KIF21A: variants seen among roughly 807,000 people sequenced by gnomAD.
The protein encoded by KIF21A is kinesin-like protein KIF21A.
In KIF21A, 114 loss-of-function variants were observed where a neutral mutation model predicts 202.9. The observed-to-expected ratio is 0.56, with a 90% CI of 0.48 to 0.66. KIF21A has a LOEUF of 0.66. Among genes scored for constraint, KIF21A ranks in the 30% least tolerant of loss-of-function variants. The pLI is 0.00. For synonymous variants in KIF21A, 667 were observed against 670.8 expected, an observed-to-expected ratio of 0.99 and a Z score of 0.09; for missense variants, 1,677 against 1,994.9, an observed-to-expected ratio of 0.84 and a Z score of 3.04.
chr12:39,295,648 A>G (rs2136988253), intron 37 of KIF21A, among the ~76,000 whole-genome samples: 1 of 150,282 alleles, frequency 6.7e-6, no homozygotes, highest in South Asian at 2.1e-4. Flanking sequence ...TACTCAACAA[A>G]TGTTTACTGA....
In KIF21A at chr12:39,442,899, C is replaced by A. The variant is rs1484730161; in HGVS notation, c.44+28G>T. 2.6e-6 allele frequency: 4 copies of A among 1,523,486 alleles called. No individual in the cohort carries two copies. Among genetic ancestry groups the A allele is most frequent in the Non-Finnish European group, 3.5e-6 (4 of 1,142,242 alleles). 94.4% of individuals were successfully genotyped at this position (1,523,486 alleles called of 1,614,324 possible). On this transcript the variant is annotated intron_variant, in intron 1 of 37. Transcript: ENST00000361418. This position sits in a 1 kb window ranked among gnomAD's most constrained non-coding sequence, Gnocchi z 5.0. Reference sequence around the variant, plus strand: ...TGCCGCGCCCTCAACCCGCCGCCCGCCGCCCGCCGCCGGCAGACTGTCCTC... The same window carrying A: ...TGCCGCGCCCTCAACCCGCCGCCCGACGCCCGCCGCCGGCAGACTGTCCTC...
intron 6 of KIF21A, among the ~76,000 whole-genome samples, chr12:39,364,388 T>C (rs1292166174): frequency 2.0e-5 from 3 of 152,216 alleles, no homozygotes; most frequent in Non-Finnish European, 2.9e-5. Context: ...GCTTTTGTCT[T>C]TTCCTGACAA....
rs1199818833 is a variant in KIF21A, at chr12:39,436,422, T to TTATATATATATATATA, written c.44+6489_44+6504dup. 3.5e-4 allele frequency among the ~76,000 whole-genome samples: 35 copies of TTATATATATATATATA among 99,098 alleles called. 1 individual carries two copies. Among genetic ancestry groups the TTATATATATATATATA allele is most frequent in the South Asian group, 1.4e-3 (3 of 2,150 alleles). The allele number at this position is 99,098 out of a possible 152,430, so 65.0% of individuals were successfully genotyped here. ...TCAATAATTATAAGGGTTTACTATATTATATATATATATATATATATATAT... is the reference window on the plus strand; with the variant it reads ...TCAATAATTATAAGGGTTTACTATATTATATATATATATATATATATATATATATATATATATATAT... On this transcript the variant is annotated intron_variant, in intron 1 of 37. Transcript: ENST00000361418.
intron 1 of KIF21A, among the ~76,000 whole-genome samples, chr12:39,414,925 T>C (rs997516464): frequency 1.7e-4 from 25 of 146,792 alleles, no homozygotes; most frequent in Non-Finnish European, 3.0e-4. Context: ...TTTTGTTTTT[T>C]GGATTTTTTT....
At chr12:39,345,210 T>C (rs1189715790) in intron 12 of KIF21A, among the ~76,000 whole-genome samples, 1 of 152,208 alleles carries the variant, frequency 6.6e-6, no homozygotes, top group African/African-American at 2.4e-5. Context: ...TAAACTCCTT[T>C]CACTGAGAAC....
chr12:39,430,326 G>A (rs1442257715), intron 1 of KIF21A, among the ~76,000 whole-genome samples: 2 of 152,066 alleles, frequency 1.3e-5, no homozygotes, highest in Non-Finnish European at 2.9e-5. Context: ...AACACTTTGG[G>A]AGGCCGAGGT....
intron 1 of KIF21A, among the ~76,000 whole-genome samples, chr12:39,409,541 A>G (rs1037570742): frequency 1.3e-5 from 2 of 150,138 alleles, no homozygotes; most frequent in Non-Finnish European, 3.0e-5. Flanking sequence ...AAAAAAAAAA[A>G]GTAGTATTAA....
intron 1 of KIF21A, among the ~76,000 whole-genome samples, chr12:39,396,339 T>G (rs1319887552): frequency 6.6e-6 from 1 of 152,190 alleles, no homozygotes; most frequent in Non-Finnish European, 1.5e-5. Context: ...AGCAGTCAAA[T>G]CTGGATTCAG....
intron 5 of KIF21A, among the ~76,000 whole-genome samples, 190 bp from the exon 6 acceptor site, chr12:39,366,707 T>C (rs1295207973): frequency 6.6e-6 from 1 of 152,152 alleles, no homozygotes; most frequent in Non-Finnish European, 1.5e-5. Flanking sequence ...TGGTCAGAAC[T>C]CAACTATTAT....
chr12:39,427,189 A>C (rs1358557106), intron 1 of KIF21A, among the ~76,000 whole-genome samples: 1 of 152,220 alleles, frequency 6.6e-6, no homozygotes, highest in Non-Finnish European at 1.5e-5. Flanking sequence ...AAATTAAAAC[A>C]CATGGAATGG....
chr12:39,304,759 C>T (rs188390387), intron 35 of KIF21A, 62 bp downstream of exon 35: 65 of 901,058 alleles, frequency 7.2e-5, no homozygotes, highest in Non-Finnish European at 1.1e-4. Context: ...CTAGATGAAT[C>T]TGAATACTTC....
chr12:39,415,021 T>C (rs1414157304), intron 1 of KIF21A, among the ~76,000 whole-genome samples: 4 of 149,638 alleles, frequency 2.7e-5, no homozygotes, highest in African/African-American at 7.4e-5. Flanking sequence ...ATCAAAACAC[T>C]GCAAGTAACT....
chr12:39,429,276 AC>A (rs1355746180), intron 1 of KIF21A, among the ~76,000 whole-genome samples: 1 of 152,182 alleles, frequency 6.6e-6, no homozygotes, highest in Non-Finnish European at 1.5e-5. Context: ...GATTAAGAAA[AC>A]ATTTTATTCA....
chr12:39,368,074 T>C, intron 3 of KIF21A, 42 bp from the exon 4 acceptor site: 1 of 1,285,330 alleles, frequency 7.8e-7, no homozygotes, highest in Non-Finnish European at 1.1e-6. Flanking sequence ...GCAGAAATTG[T>C]CTGGGTAGTT....
intron 1 of KIF21A, among the ~76,000 whole-genome samples, chr12:39,391,144 T>C (rs1021304925): frequency 6.6e-6 from 1 of 152,128 alleles, no homozygotes; most frequent in Non-Finnish European, 1.5e-5. Flanking sequence ...ACAACATAAA[T>C]CTGGAAAGAC....
intron 4 of KIF21A, among the ~76,000 whole-genome samples, chr12:39,367,374 TC>T (rs904642728): frequency 1.7e-4 from 26 of 152,208 alleles, no homozygotes; most frequent in African/African-American, 6.0e-4. Context: ...ACACTGAGAT[TC>T]CATTGTTGGC....
intron 1 of KIF21A, among the ~76,000 whole-genome samples, chr12:39,421,723 T>TTATA (rs374130613): frequency 0.042 from 5,668 of 134,892 alleles, 121 homozygotes; most frequent in Non-Finnish European, 0.047. Context: ...TATATATAAT[T>TTATA]TATATATATA....
rs777970404 is a variant in KIF21A at position 39,341,555 on chromosome 12, A to G, written c.1871T>C (p.Ile624Thr). The G allele has an allele frequency of 2.5e-6, 4 of 1,612,646 alleles. No homozygotes were observed. The highest frequency in any genetic ancestry group is 3.3e-5 in the Admixed American group (2 of 59,966). ...EEEEEEEEDDIDGGESSDESD... is the reference protein window; with the variant it reads ...EEEEEEEEDDTDGGESSDESD... ...TTCATCAGAACTTTCACCCCCATCA[A>G]TGTCATCTTCCTCCTCCTCCTCCTC... is the stretch of plus-strand genomic sequence containing the variant. Residue 624 changes from isoleucine (I) to threonine (T), a missense_variant, in exon 14 of 38, where the codon ATT (isoleucine) becomes ACT (threonine). Physicochemically the swap from Ile to Thr is moderately conservative, Grantham distance 89. This residue lies in a region of KIF21A where 966 missense variants were observed against 1,180.9 expected (regional missense o/e 0.82). Coordinates refer to ENST00000361418, the MANE Select transcript of KIF21A (RefSeq NM_001173464.2).
chr12:39,315,854 C>T, intron 30 of KIF21A, 78 bp downstream of exon 30: 1 of 1,010,246 alleles, frequency 9.9e-7, no homozygotes. Flanking sequence ...AAAAATGAGA[C>T]TTGCTTAGAA....
Sources: gnomAD v4.1 joint callset for allele counts (sites outside exome capture counted in the v4.1 genomes callset) on GRCh38, gnomAD v4.1.1 for gene constraint, gnomAD v4.1.1 regional missense constraint, Gnocchi (gnomAD v3.1) non-coding constraint, MANE v1.5 for transcripts, NCBI Gene and HGNC (gene_info 2026-07-23, HGNC 2026-07-21) for gene names.